GABBR2: variants seen among roughly 807,000 people sequenced by gnomAD.
The protein encoded by GABBR2 is gamma-aminobutyric acid type B receptor subunit 2, also known as G-protein coupled receptor 51.
In GABBR2, 23 loss-of-function variants were observed where a neutral mutation model predicts 105.6. The ratio of observed to expected loss-of-function variants is 0.22; its 90% CI spans 0.16 to 0.31. The LOEUF is 0.31. Ranked by LOEUF, GABBR2 falls within the 10% of genes least tolerant of loss-of-function variation. GABBR2 has a pLI of 1.00. For synonymous variants in GABBR2, 478 were observed against 499.7 expected (o/e 0.96, Z 0.58); for missense variants, 734 against 1,245.5 (o/e 0.59, Z 6.18).
intron 1 of GABBR2, among the ~76,000 whole-genome samples, chr9:98,676,551 ATCTTCAGCTTTAGGACAAGTTGCTTGC>A (rs1344786159): frequency 6.6e-6 from 1 of 152,234 alleles, no homozygotes; most frequent in African/African-American, 2.4e-5. Flanking sequence ...CTTCTAGGCC[ATCTTCAGCTTTAGGACAAGTTGCTTGC>A]TCTGGATTTC....
intron 3 of GABBR2, among the ~76,000 whole-genome samples, chr9:98,536,742 G>A (rs991197183): frequency 1.3e-5 from 2 of 152,002 alleles, no homozygotes; most frequent in Non-Finnish European, 2.9e-5. Context: ...CAACCCTCCA[G>A]TTCCTTACCG....
intron 1 of GABBR2, among the ~76,000 whole-genome samples, chr9:98,595,241 T>C (rs1327574877): frequency 6.6e-6 from 1 of 151,914 alleles, no homozygotes; most frequent in Non-Finnish European, 1.5e-5. Flanking sequence ...GAGAACAAGC[T>C]CCCTTGTACC....
chr9:98,682,416 C>T (rs1830562737), intron 1 of GABBR2, among the ~76,000 whole-genome samples: 1 of 131,686 alleles, frequency 7.6e-6, no homozygotes, highest in Admixed American at 8.2e-5. Context: ...TGCTTTGTGG[C>T]CCAGGCTAGA....
chr9:98,496,182 A>G (rs1287939928), intron 4 of GABBR2: 1 of 562,248 alleles, frequency 1.8e-6, no homozygotes, highest in Non-Finnish European at 3.2e-6. Context: ...AACCATCAGG[A>G]AAGTGCTCAG....
At chr9:98,377,908 G>C (rs1251246975) in intron 11 of GABBR2, among the ~76,000 whole-genome samples, 1 of 152,118 alleles carries the variant, frequency 6.6e-6, no homozygotes, top group Non-Finnish European at 1.5e-5. Flanking sequence ...GCCAGGCAAG[G>C]CCACCACCAA....
At chr9:98,689,643 G>T (rs577963897) in intron 1 of GABBR2, among the ~76,000 whole-genome samples, 68 of 152,308 alleles carry the variant, frequency 4.5e-4, no homozygotes, top group Admixed American at 2.0e-3. Context: ...AAAAAAGCCA[G>T]GATCGTCCTC....
At chr9:98,600,722 G>T (rs187024292) in intron 1 of GABBR2, among the ~76,000 whole-genome samples, 3 of 152,192 alleles carry the variant, frequency 2.0e-5, no homozygotes, top group Non-Finnish European at 2.9e-5. Context: ...AGACTCCATC[G>T]TTGCGTGGCC....
chr9:98,363,522 T>C (rs1334907062), intron 12 of GABBR2, among the ~76,000 whole-genome samples: 2 of 152,152 alleles, frequency 1.3e-5, no homozygotes, highest in African/African-American at 4.8e-5. Flanking sequence ...CGAGATCTGT[T>C]TTCTCCAGAA....
intron 1 of GABBR2, among the ~76,000 whole-genome samples, chr9:98,658,936 T>A (rs1238416106): frequency 6.6e-6 from 1 of 152,212 alleles, no homozygotes; most frequent in African/African-American, 2.4e-5. Flanking sequence ...AGACTTTCCT[T>A]CATAAGAACT....
At chr9:98,424,128 C>CA (rs1832832293) in intron 7 of GABBR2, among the ~76,000 whole-genome samples, 1 of 152,042 alleles carries the variant, frequency 6.6e-6, no homozygotes, top group Admixed American at 6.6e-5. Context: ...AAAGCTTATC[C>CA]ACCATGATCA....
At chr9:98,571,338 AT>A (rs969097635) in intron 2 of GABBR2, among the ~76,000 whole-genome samples, 1 of 152,216 alleles carries the variant, frequency 6.6e-6, no homozygotes, top group Non-Finnish European at 1.5e-5. Context: ...CCCTGGCAGC[AT>A]CCCCCTGTGA....
At chr9:98,331,688 C>G (rs972116287) in intron 13 of GABBR2, among the ~76,000 whole-genome samples, 1 of 152,128 alleles carries the variant, frequency 6.6e-6, no homozygotes, top group East Asian at 1.9e-4. Context: ...TGCACCTGAG[C>G]TCCACGAAGT....
At chr9:98,476,370 T>C (rs537984298) in intron 5 of GABBR2, among the ~76,000 whole-genome samples, 189 of 152,350 alleles carry the variant, frequency 1.2e-3, no homozygotes, top group African/African-American at 4.1e-3. Context: ...ACAAAACTTT[T>C]TCTAACCTAG....
At chr9:98,314,166 T>C (rs982645588) in intron 13 of GABBR2, among the ~76,000 whole-genome samples, 2 of 152,160 alleles carry the variant, frequency 1.3e-5, no homozygotes, top group Non-Finnish European at 2.9e-5. Flanking sequence ...CTCCAGAAAC[T>C]AAAGTCAGAG....
At chr9:98,332,094 T>C (rs1023918265) in intron 13 of GABBR2, among the ~76,000 whole-genome samples, 1 of 152,154 alleles carries the variant, frequency 6.6e-6, no homozygotes, top group Admixed American at 6.5e-5. Flanking sequence ...CTTTGGGGAT[T>C]AGCAGGCCTG....
chr9:98,675,964 G>C (rs899590965), intron 1 of GABBR2, among the ~76,000 whole-genome samples: 5 of 152,094 alleles, frequency 3.3e-5, no homozygotes, highest in African/African-American at 1.2e-4. Context: ...ACCTGTAATA[G>C]ATAGAACAAA....
intron 4 of GABBR2, among the ~76,000 whole-genome samples, chr9:98,482,375 A>G (rs1444881441): frequency 1.3e-5 from 2 of 152,210 alleles, no homozygotes; most frequent in Non-Finnish European, 2.9e-5. Context: ...ACTTTAAAAG[A>G]TCGTTAACAG....
chr9:98,414,626 T>C (rs1832654497), intron 7 of GABBR2, among the ~76,000 whole-genome samples: 1 of 152,242 alleles, frequency 6.6e-6, no homozygotes, highest in Non-Finnish European at 1.5e-5. Context: ...ATTCCAATTG[T>C]GCCAGTCGCT....
intron 1 of GABBR2, among the ~76,000 whole-genome samples, chr9:98,698,450 CAG>C (rs1239342147): frequency 2.6e-5 from 4 of 152,072 alleles, no homozygotes; most frequent in Non-Finnish European, 5.9e-5. Flanking sequence ...CAAGAATTTT[CAG>C]ACTCTTAAAC....
Sources: gnomAD v4.1 joint callset for allele counts (sites outside exome capture counted in the v4.1 genomes callset) on GRCh38, gnomAD v4.1.1 for gene constraint, MANE v1.5 for transcripts, NCBI Gene and HGNC (gene_info 2026-07-23, HGNC 2026-07-21) for gene names.